Variants in SUN3 observed in about 807,000 individuals in gnomAD.
SUN3 encodes Sad1 and UNC84 domain containing 3, also known as SUN domain-containing protein 3.
A neutral mutation model predicts 48.2 loss-of-function variants in SUN3; 36 were observed. That is an observed-to-expected ratio of 0.75 (90% CI 0.57 to 0.99). The LOEUF is 0.99. SUN3 is among the 50% of genes least tolerant of loss of function. The pLI is 0.00. For synonymous variants in SUN3, 148 were observed against 147.9 expected (o/e 1.00, Z 0.00); for missense variants, 419 against 433.1 (o/e 0.97, Z 0.29).
intron 2 of SUN3, among the ~76,000 whole-genome samples, chr7:48,025,561 A>C (rs77113443): frequency 0.011 from 1,637 of 152,334 alleles, 18 homozygotes; most frequent in African/African-American, 0.037. Context: ...AATTTAGAAA[A>C]GGTAAAATGT....
At chr7:48,032,902 C>A (rs2708874), upstream of SUN3, among the ~76,000 whole-genome samples, 64,056 of 152,046 alleles carry the variant, frequency 0.42, 14,626 homozygotes, top group Non-Finnish European at 0.51. Context: ...CATGGGTAAA[C>A]CAACAGAGAC....
intron 2 of SUN3, among the ~76,000 whole-genome samples, chr7:48,019,977 C>CAAAAAAAAAAAAAAAAAAAAAAAAAAAA (rs869166401): frequency 4.7e-5 from 3 of 64,144 alleles, no homozygotes; most frequent in African/African-American, 8.5e-5. Context: ...AAAGACACAT[C>CAAAAAAAAAAAAAAAAAAAAAAAAAAAA]AAAAAAAAAA....
At chr7:47,988,909 T>G (rs1264847085) in intron 8 of SUN3, 29 bp from the exon 9 acceptor site, 1 of 1,294,984 alleles carries the variant, frequency 7.7e-7, no homozygotes, top group Non-Finnish European at 1.1e-6. Context: ...ATATAGAGAT[T>G]GTAATGAATG....
chr7:48,004,358 C>T (rs1406628289), intron 6 of SUN3, among the ~76,000 whole-genome samples: 2 of 152,238 alleles, frequency 1.3e-5, no homozygotes, highest in Non-Finnish European at 2.9e-5. Flanking sequence ...CTTCATCAAT[C>T]AACCAAGAAA....
intron 8 of SUN3, among the ~76,000 whole-genome samples, chr7:47,992,853 C>T (rs1789105464): frequency 6.6e-6 from 1 of 151,934 alleles, no homozygotes; most frequent in African/African-American, 2.4e-5. Context: ...GAAAACTAAG[C>T]AAATTAAAGA....
intron 6 of SUN3, among the ~76,000 whole-genome samples, chr7:48,003,592 G>A (rs1016833973): frequency 6.6e-5 from 10 of 152,112 alleles, no homozygotes; most frequent in African/African-American, 2.2e-4. Context: ...TTAAGCAATG[G>A]TTTATAGTTC....
intron 2 of SUN3, among the ~76,000 whole-genome samples, chr7:48,021,599 A>G (rs1000422940): frequency 1.3e-5 from 2 of 152,114 alleles, no homozygotes; most frequent in African/African-American, 4.8e-5. Context: ...TCTGATAAAA[A>G]AATGGGCCAA....
At chr7:47,992,732 A>C (rs2128770439) in intron 8 of SUN3, among the ~76,000 whole-genome samples, 1 of 152,266 alleles carries the variant, frequency 6.6e-6, no homozygotes, top group East Asian at 1.9e-4. Context: ...AAGTGAAGGA[A>C]GGAATAAAGA....
chr7:48,016,389 CCT>C (rs1231602182), intron 3 of SUN3, among the ~76,000 whole-genome samples: 1 of 152,198 alleles, frequency 6.6e-6, no homozygotes, highest in Non-Finnish European at 1.5e-5. Context: ...TTGCAATTCC[CCT>C]GTCTTGATAA....
chr7:48,000,685 T>G (rs1292032747), intron 6 of SUN3, among the ~76,000 whole-genome samples: 1 of 152,196 alleles, frequency 6.6e-6, no homozygotes, highest in Non-Finnish European at 1.5e-5. Flanking sequence ...TGTCGTTTCC[T>G]TCTCTTCTGG....
At chr7:48,026,006 C>T (rs957053546) in intron 1 of SUN3, 68 bp from the exon 2 acceptor site, 83 of 1,032,816 alleles carry the variant, frequency 8.0e-5, no homozygotes, top group Non-Finnish European at 1.2e-4. Context: ...TGGACTTTAG[C>T]CACTACACTC....
chr7:48,007,715 G>A (rs139805046), intron 4 of SUN3, among the ~76,000 whole-genome samples: 1 of 152,210 alleles, frequency 6.6e-6, no homozygotes, highest in Non-Finnish European at 1.5e-5. Flanking sequence ...ATTGTAGCCT[G>A]AGTTCAGTGG....
upstream of SUN3, among the ~76,000 whole-genome samples, chr7:48,033,735 GTTA>G (rs1359260194): frequency 6.6e-6 from 1 of 151,920 alleles, no homozygotes; most frequent in Non-Finnish European, 1.5e-5. Context: ...GACAGCTCCA[GTTA>G]TTATGATCAA....
upstream of SUN3, among the ~76,000 whole-genome samples, chr7:48,032,740 A>G (rs1219681315): frequency 6.6e-6 from 1 of 152,220 alleles, no homozygotes; most frequent in Non-Finnish European, 1.5e-5. Flanking sequence ...GAGCTCACAG[A>G]GGTGAAGGTT....
chr7:48,024,264 T>G (rs1490192114), intron 2 of SUN3, among the ~76,000 whole-genome samples: 1 of 152,152 alleles, frequency 6.6e-6, no homozygotes, highest in Non-Finnish European at 1.5e-5. Flanking sequence ...TCAAGTGATA[T>G]ATCTGAGAAG....
At chr7:48,003,742 T>C (rs1485516225) in intron 6 of SUN3, among the ~76,000 whole-genome samples, 1 of 152,216 alleles carries the variant, frequency 6.6e-6, no homozygotes, top group Non-Finnish European at 1.5e-5. Context: ...CTAGTGATTT[T>C]TGCACATTGA....
At chr7:48,003,268 T>C (rs1412073551) in intron 6 of SUN3, among the ~76,000 whole-genome samples, 2 of 152,206 alleles carry the variant, frequency 1.3e-5, no homozygotes, top group Non-Finnish European at 2.9e-5. Context: ...TCTGTTCCAT[T>C]GGTCTATGTG....
chr7:48,001,522 G>GTTTTCTTT (rs1789367077), intron 6 of SUN3, among the ~76,000 whole-genome samples: 1 of 121,888 alleles, frequency 8.2e-6, no homozygotes, highest in Admixed American at 8.6e-5. Context: ...TGTCTTTTCT[G>GTTTTCTTT]TTTTTTTTGT....
intron 8 of SUN3, among the ~76,000 whole-genome samples, chr7:47,992,690 T>C (rs899104249): frequency 3.3e-5 from 5 of 151,082 alleles, no homozygotes; most frequent in African/African-American, 1.2e-4. Flanking sequence ...GAGGGATATC[T>C]TGGGAAAAAA....
Sources: gnomAD v4.1 joint callset for allele counts (sites outside exome capture counted in the v4.1 genomes callset) on GRCh38, gnomAD v4.1.1 for gene constraint, MANE v1.5 for transcripts, NCBI Gene and HGNC (gene_info 2026-07-23, HGNC 2026-07-21) for gene names.